The following PLCB3 variants were observed in gnomAD, a reference collection of about 807,000 sequenced individuals.
PLCB3 encodes 1-phosphatidylinositol 4,5-bisphosphate phosphodiesterase beta-3.
A neutral mutation model predicts 152.1 loss-of-function variants in PLCB3; 54 were observed. The ratio of observed to expected loss-of-function variants is 0.36; its 90% CI spans 0.29 to 0.45. PLCB3 has a LOEUF of 0.45. PLCB3 is among the 20% of genes least tolerant of loss of function. The probability of loss-of-function intolerance (pLI) is 1.00; values close to 1 mark genes in which losing one functional copy is unlikely to be tolerated. For synonymous variants in PLCB3, 717 were observed against 698.7 expected (o/e 1.03, Z -0.41); for missense variants, 1,248 against 1,687.5 (o/e 0.74, Z 4.56).
chr11:64,262,409 G>A lies in PLCB3; in HGVS notation c.2041G>A (p.Val681Met), dbSNP rs527496239. 1 of 1,611,830 alleles carries A rather than the reference G, an allele frequency of 6.2e-7. No homozygotes were observed. The highest frequency in any genetic ancestry group is 1.7e-5 in the Admixed American group (1 of 59,996). ...LVALNFQTLDVAMQLNAGVFE... is the reference protein window; with the variant it reads ...LVALNFQTLDMAMQLNAGVFE... ...TCGACGTGCCCGTGGCACCCCAGAT[G>A]TGGCGATGCAGCTCAACGCGGGCGT... Residue 681 changes from valine (V) to methionine (M), a missense_variant and splice_region_variant, in exon 18 of 31, where the codon GTG (valine) becomes ATG (methionine). Val to Met is a conservative substitution (Grantham distance 21, BLOSUM62 1). This residue lies in a region of PLCB3 where 244 missense variants were observed against 424.4 expected (regional missense o/e 0.57). Coordinates refer to ENST00000279230, the MANE Select transcript of PLCB3 (RefSeq NM_000932.5).
chr11:64,259,194 C>T lies in PLCB3; in HGVS notation c.1475C>T (p.Ser492Phe), dbSNP rs370822360. 15 of 1,589,636 alleles carry T rather than the reference C, an allele frequency of 9.4e-6. No homozygotes were observed. The highest frequency in any genetic ancestry group is 1.7e-5 in the Admixed American group (1 of 57,558). The stretch of plus-strand genomic sequence containing the variant: ...AAGCGGCCCCTGGAGCAGAGCAATT[C>T]TGCCCTGAGCGAGAGCTCCGCGGCC... ...GRKRPLEQSNSALSESSAATE... is the reference protein window; with the variant it reads ...GRKRPLEQSNFALSESSAATE... Residue 492 changes from serine (S) to phenylalanine (F), a missense_variant, in exon 13 of 31, where the codon TCT (serine) becomes TTT (phenylalanine). Around this residue, in one of 6 missense-constraint regions of PLCB3, gnomAD observed 105 missense variants for 100.9 expected, o/e 1.04. Transcript: ENST00000279230.
At chr11:64,262,349 C>A in intron 17 of PLCB3, 58 bp from the exon 18 acceptor site, 1 of 1,586,560 alleles carries the variant, frequency 6.3e-7, no homozygotes, top group Non-Finnish European at 8.6e-7. Flanking sequence ...TCCCATTCCC[C>A]ACATGGCACC....
intron 22 of PLCB3, among the ~76,000 whole-genome samples, chr11:64,264,598 G>C (rs1795229251): frequency 6.6e-6 from 1 of 152,182 alleles, no homozygotes; most frequent in Non-Finnish European, 1.5e-5. Context: ...TTAATCAGGA[G>C]CTCAGCAGCA....
rs375081116 is a variant in PLCB3, at chr11:64,266,369, G to A, written c.3321G>A (p.Ser1107=). Residue 1107 remains serine, a synonymous_variant, in exon 28 of 31, where the codon TCG becomes TCA. Transcript: ENST00000279230. This position sits in a 1 kb window ranked among gnomAD's most constrained non-coding sequence, Gnocchi z 4.9. ...ACAGAAAGCGCCATAACAGCATCTC[G>A]GAGGCCAAGATGAGGGACAAGCATA... The part of the protein sequence containing the change: ...ILDRKRHNSI[S]EAKMRDKHKK... The A allele has an allele frequency of 3.7e-6, 6 of 1,612,460 alleles. No individual in the cohort carries two copies. Among genetic ancestry groups the A allele is most frequent in the African/African-American group, 1.3e-5 (1 of 74,748 alleles).
chr11:64,257,627 A>T (rs909324184), intron 10 of PLCB3, among the ~76,000 whole-genome samples: 1 of 151,712 alleles, frequency 6.6e-6, no homozygotes, highest in African/African-American at 2.4e-5. Flanking sequence ...TCTAAAAAAA[A>T]AAATTAAATA....
rs775839820 is a variant in PLCB3, at chr11:64,259,103, C to T, written c.1384C>T (p.Arg462Cys). ...PLPSPQDLMGRILVKNKKRHR... is the reference protein window; with the variant it reads ...PLPSPQDLMGCILVKNKKRHR... ...GCCCAGCCCCCAGGACCTGATGGGCCGTATCCTGGTGAAGAACAAGAAGCG... is the reference window on the plus strand; with the variant it reads ...GCCCAGCCCCCAGGACCTGATGGGCTGTATCCTGGTGAAGAACAAGAAGCG... The change falls in exon 13 of 31, where the codon CGT becomes TGT. Residue 462 changes from arginine to cysteine, a missense_variant. Arg to Cys is a radical substitution (Grantham distance 180). Around this residue, in one of 6 missense-constraint regions of PLCB3, gnomAD observed 122 missense variants for 221.8 expected, o/e 0.55. Coordinates refer to ENST00000279230, the MANE Select transcript of PLCB3 (RefSeq NM_000932.5). 27 of 1,612,554 alleles carry T rather than the reference C, an allele frequency of 1.7e-5. No individual in the cohort carries two copies. The highest frequency in any genetic ancestry group is 2.2e-5 in the South Asian group (2 of 90,952).
Position 64,258,958 on chromosome 11 carries a change from G to A in PLCB3, c.1327G>A (p.Asp443Asn), listed in dbSNP as rs745764109. The A allele has an allele frequency of 1.9e-6, 3 of 1,614,010 alleles. No homozygotes were observed. Among genetic ancestry groups the A allele is most frequent in the South Asian group, 1.1e-5 (1 of 91,086 alleles). The change falls in exon 12 of 31, where the codon GAC (aspartate) becomes AAC (asparagine). Residue 443 changes from aspartate (D) to asparagine (N), a missense_variant. Around this residue, in one of 6 missense-constraint regions of PLCB3, gnomAD observed 122 missense variants for 221.8 expected, o/e 0.55. Transcript: ENST00000279230. The surrounding 1 kb of genome is among the most constrained non-coding windows in gnomAD (Gnocchi z 7.2). ...AGACGCGCTACTCATCGAGCCTCTG[G>A]ACAAGTACCCGGTACGGGAGCTCGG... ...FGDALLIEPL[D>N]KYPLAPGVPL...
intron 1 of PLCB3, 41 bp downstream of exon 1, chr11:64,251,789 CTT>C: frequency 8.4e-7 from 1 of 1,195,326 alleles, no homozygotes; most frequent in Non-Finnish European, 1.1e-6. Flanking sequence ...TCCCGGGACT[CTT>C]TCAGTCAAGC....
rs1028284561 is a variant in PLCB3, at chr11:64,255,877, A to C, written c.698+56A>C. The stretch of plus-strand genomic sequence containing the variant: ...TGTGCTCTGTGTTTAGCTTCTGCTT[A>C]GCGTGCCTCTAGCTCAATGGGGAGA... On this transcript the variant is annotated intron_variant, in intron 8 of 30. Transcript: ENST00000279230. This position sits in a 1 kb window ranked among gnomAD's most constrained non-coding sequence, Gnocchi z 6.8. The C allele has an allele frequency of 7.6e-7, 1 of 1,318,820 alleles. No individual in the cohort carries two copies. The highest frequency in any genetic ancestry group is 1.4e-5 in the African/African-American group (1 of 69,458). 81.7% of individuals were successfully genotyped at this position (1,318,820 alleles called of 1,614,324 possible). A position where few individuals can be genotyped will look rare whatever the true frequency, so the allele number is the denominator to read the frequency against.
chr11:64,259,878 C>A, intron 13 of PLCB3, 151 bp from the exon 14 acceptor site: 1 of 663,578 alleles, frequency 1.5e-6, no homozygotes, highest in Non-Finnish European at 2.6e-6. Context: ...CTGACCTCGA[C>A]CTCTTGGCCT....
Position 64,266,247 on chromosome 11 carries a change from T to G in PLCB3, c.3266+45T>G. 6.2e-7 allele frequency: 1 copy of G among 1,613,768 alleles called. No homozygotes were observed. Among genetic ancestry groups the G allele is most frequent in the South Asian group, 1.1e-5 (1 of 91,068 alleles). ...TATGGGAAGGGCTGGGGACTTCTAGTACCAGAAGGAGGGCAGAGTCTGTGC... is the reference window on the plus strand; with the variant it reads ...TATGGGAAGGGCTGGGGACTTCTAGGACCAGAAGGAGGGCAGAGTCTGTGC... On this transcript the variant is annotated intron_variant, in intron 27 of 30. Coordinates refer to ENST00000279230, the MANE Select transcript of PLCB3 (RefSeq NM_000932.5). This position sits in a 1 kb window ranked among gnomAD's most constrained non-coding sequence, Gnocchi z 4.9.
At chr11:64,259,965 C>T (rs894993563) in intron 13 of PLCB3, 64 bp from the exon 14 acceptor site, 9 of 1,396,572 alleles carry the variant, frequency 6.4e-6, no homozygotes, top group African/African-American at 1.4e-5. Context: ...GGGAAAAACC[C>T]CTCCAGACTT....
chr11:64,257,869 T>C (rs1591104902), intron 10 of PLCB3, among the ~76,000 whole-genome samples: 1 of 151,908 alleles, frequency 6.6e-6, no homozygotes, highest in Admixed American at 6.6e-5. Flanking sequence ...GAGATTGGAT[T>C]GAGGCCAGGC....
At chr11:64,265,817 C>T in intron 25 of PLCB3, 69 bp from the exon 26 acceptor site, 4 of 1,549,544 alleles carry the variant, frequency 2.6e-6, no homozygotes, top group Non-Finnish European at 3.5e-6. Flanking sequence ...GATGTGCCCC[C>T]CTACACACCC....
chr11:64,255,334 G>A lies in PLCB3; in HGVS notation c.467+21G>A. On this transcript the variant is annotated intron_variant, in intron 5 of 30. Coordinates refer to ENST00000279230, the MANE Select transcript of PLCB3 (RefSeq NM_000932.5). This position sits in a 1 kb window ranked among gnomAD's most constrained non-coding sequence, Gnocchi z 6.8. ...AAAGCGTGAGCCCCAGGCCACCCGA[G>A]GGGGAGCCGGGGGGTTCACGTGGCC... 1.2e-6 allele frequency: 2 copies of A among 1,613,198 alleles called. No individual in the cohort carries two copies. Among genetic ancestry groups the A allele is most frequent in the Non-Finnish European group, 1.7e-6 (2 of 1,179,248 alleles).
chr11:64,261,497 G>A lies in PLCB3; in HGVS notation c.1828+1G>A, dbSNP rs778436864. The A allele has an allele frequency of 6.2e-7, 1 of 1,613,788 alleles. No homozygotes were observed. The highest frequency in any genetic ancestry group is 1.1e-5 in the South Asian group (1 of 91,074). ...TTCAAGTCCTTTGAGGCTGCTCGAA[G>A]TGAGTGGGGGTGGGTGGCAGGCATG... is the stretch of plus-strand genomic sequence containing the variant. On this transcript the variant is annotated splice_donor_variant, in intron 15 of 30. Coordinates refer to ENST00000279230, the MANE Select transcript of PLCB3 (RefSeq NM_000932.5). LOFTEE classifies it high-confidence loss of function.
chr11:64,260,112 T>C lies in PLCB3; in HGVS notation c.1609T>C (p.Ser537Pro). 1 of 1,612,138 alleles carries C rather than the reference T, an allele frequency of 6.2e-7. No individual in the cohort carries two copies. The highest frequency in any genetic ancestry group is 8.5e-7 in the Non-Finnish European group (1 of 1,179,386). The change falls in exon 14 of 31, where the codon TCT becomes CCT. Residue 537 changes from serine (S) to proline (P), a missense_variant. Around this residue, in one of 6 missense-constraint regions of PLCB3, gnomAD observed 105 missense variants for 100.9 expected, o/e 1.04. Coordinates refer to ENST00000279230, the MANE Select transcript of PLCB3 (RefSeq NM_000932.5). ...GAAGCCCAGCCTGGAGCCTCAGAAG[T>C]CTCTGGGTGACGAGGGCCTGAACCG... ...LEKPSLEPQKSLGDEGLNRGP... is the reference protein window; with the variant it reads ...LEKPSLEPQKPLGDEGLNRGP...
chr11:64,263,151 A>G (rs565285974), intron 19 of PLCB3, among the ~76,000 whole-genome samples: 6 of 152,176 alleles, frequency 3.9e-5, no homozygotes, highest in African/African-American at 1.4e-4. Context: ...ACGGCCCTGC[A>G]TGGACGCGGC....
Position 64,255,941 on chromosome 11 carries a change from C to A in PLCB3, c.698+120C>A. 1 of 757,572 alleles carries A rather than the reference C, an allele frequency of 1.3e-6. No homozygotes were observed. 46.9% of individuals were successfully genotyped at this position (757,572 alleles called of 1,614,324 possible). On this transcript the variant is annotated intron_variant, in intron 8 of 30. Transcript: ENST00000279230. This position sits in a 1 kb window ranked among gnomAD's most constrained non-coding sequence, Gnocchi z 6.8. ...GGCCGGGTCCTGGAGCGCCAGGGGGCGGAGGGGTGCCCAGGGAGAACCTGT... is the reference window on the plus strand; with the variant it reads ...GGCCGGGTCCTGGAGCGCCAGGGGGAGGAGGGGTGCCCAGGGAGAACCTGT...
Sources: gnomAD v4.1 joint callset for allele counts (sites outside exome capture counted in the v4.1 genomes callset) on GRCh38, gnomAD v4.1.1 for gene constraint, gnomAD v4.1.1 regional missense constraint, Gnocchi (gnomAD v3.1) non-coding constraint, MANE v1.5 for transcripts, NCBI Gene and HGNC (gene_info 2026-07-23, HGNC 2026-07-21) for gene names.